TAFA1: variants seen among roughly 807,000 people sequenced by gnomAD.
The protein encoded by TAFA1 is TAFA chemokine like family member 1.
TAFA1 carries 4 observed loss-of-function variants against 18.5 expected under a neutral mutation model. The observed-to-expected ratio is 0.22, with a 90% confidence interval of 0.11 to 0.49. The LOEUF is 0.49. Among genes scored for constraint, TAFA1 ranks in the 20% least tolerant of loss-of-function variants. The pLI, the probability that TAFA1 is intolerant of heterozygous loss-of-function variation, is 0.98. For synonymous variants in TAFA1, 56 were observed against 55.2 expected (o/e 1.01, Z -0.06); for missense variants, 147 against 169.0 (o/e 0.87, Z 0.72).
intron 2 of TAFA1, among the ~76,000 whole-genome samples, chr3:68,049,292 T>C (rs1283774142): frequency 6.6e-6 from 1 of 152,170 alleles, no homozygotes; most frequent in Non-Finnish European, 1.5e-5. Context: ...AAGGCTTTTC[T>C]CCTTGGGGAG....
chr3:68,466,354 T>G (rs1417159839), intron 3 of TAFA1, among the ~76,000 whole-genome samples: 1 of 152,154 alleles, frequency 6.6e-6, no homozygotes, highest in Non-Finnish European at 1.5e-5. Flanking sequence ...GAAATAAAAC[T>G]TTGTTTTAAG....
intron 2 of TAFA1, among the ~76,000 whole-genome samples, chr3:68,096,296 C>T (rs114367044): frequency 0.024 from 3,666 of 152,140 alleles, 155 homozygotes; most frequent in African/African-American, 0.083. Flanking sequence ...TTCCATTGTA[C>T]ATATGTACCA....
Position 68,370,460 on chromosome 3 carries a change from GTGTGTGTGTGTGTAT to G in TAFA1, c.119-46819_119-46805del, listed in dbSNP as rs2069673448. On this transcript the variant is annotated intron_variant, in intron 2 of 4. Coordinates refer to ENST00000478136, the MANE Select transcript of TAFA1 (RefSeq NM_213609.4). ...TATATACATATGTATATATATGTGT[GTGTGTGTGTGTGTAT>G]ATATATATATATATATATATATATA... 1.4e-4 allele frequency among the ~76,000 whole-genome samples: 2 copies of G among 14,606 alleles called. 1 individual carries two copies. The highest frequency in any genetic ancestry group is 2.5e-3 in the Admixed American group (2 of 808). The allele number at this position is 14,606 out of a possible 152,430, so 9.6% of individuals were successfully genotyped here. A position where few individuals can be genotyped will look rare whatever the true frequency, so the allele number is the denominator to read the frequency against.
At chr3:68,027,939 T>C (rs1559708391) in intron 2 of TAFA1, among the ~76,000 whole-genome samples, 1 of 152,236 alleles carries the variant, frequency 6.6e-6, no homozygotes, top group East Asian at 1.9e-4. Flanking sequence ...AGAGGGTTTT[T>C]GGCTTCTTAC....
intron 2 of TAFA1, among the ~76,000 whole-genome samples, chr3:68,056,416 A>G (rs2064537488): frequency 6.6e-6 from 1 of 152,164 alleles, no homozygotes; most frequent in Admixed American, 6.6e-5. Context: ...TGTCCCAGGA[A>G]CACCCTCTGT....
At chr3:68,498,771 A>G (rs1409415192) in intron 3 of TAFA1, among the ~76,000 whole-genome samples, 1 of 124,214 alleles carries the variant, frequency 8.1e-6, no homozygotes, top group East Asian at 2.5e-4. Context: ...AGAGAGAGAG[A>G]AAACTATTTT....
chr3:68,255,872 T>C (rs1361413074), intron 2 of TAFA1, among the ~76,000 whole-genome samples: 1 of 152,092 alleles, frequency 6.6e-6, no homozygotes, highest in African/African-American at 2.4e-5. Context: ...TACACTGATA[T>C]TTCAGTGTTA....
chr3:68,045,938 G>A (rs1705258851), intron 2 of TAFA1, among the ~76,000 whole-genome samples: 1 of 152,148 alleles, frequency 6.6e-6, no homozygotes, highest in Non-Finnish European at 1.5e-5. Flanking sequence ...GCATTCTAGT[G>A]ATATTGTCAT....
chr3:68,472,700 A>G (rs550690801), intron 3 of TAFA1, among the ~76,000 whole-genome samples: 60 of 152,296 alleles, frequency 3.9e-4, no homozygotes, highest in African/African-American at 1.3e-3. Context: ...ATTATTTTTT[A>G]CAATTGCATG....
intron 2 of TAFA1, among the ~76,000 whole-genome samples, chr3:68,121,842 T>C (rs2065403380): frequency 1.3e-5 from 2 of 152,144 alleles, no homozygotes; most frequent in African/African-American, 2.4e-5. Flanking sequence ...TTAAAGTATC[T>C]GTAATTTTGC....
At chr3:68,129,264 C>G (rs1462617316) in intron 2 of TAFA1, among the ~76,000 whole-genome samples, 1 of 152,164 alleles carries the variant, frequency 6.6e-6, no homozygotes, top group African/African-American at 2.4e-5. Context: ...TTTCTGTTCT[C>G]CGCTGCTACT....
chr3:68,328,733 C>A (rs1369475309), intron 2 of TAFA1, among the ~76,000 whole-genome samples: 1 of 151,962 alleles, frequency 6.6e-6, no homozygotes, highest in African/African-American at 2.4e-5. Flanking sequence ...TTTTTTTATT[C>A]ATTTTAAAAA....
At chr3:68,377,605 G>T (rs1299957330) in intron 2 of TAFA1, among the ~76,000 whole-genome samples, 2 of 152,186 alleles carry the variant, frequency 1.3e-5, no homozygotes, top group Admixed American at 6.5e-5. Flanking sequence ...GCTAGCTGCA[G>T]AAATTTGCAT....
chr3:68,493,466 T>A (rs1400311410), intron 3 of TAFA1, among the ~76,000 whole-genome samples: 3 of 152,358 alleles, frequency 2.0e-5, no homozygotes, highest in South Asian at 2.1e-4. Context: ...CAAATGTCTC[T>A]TAGAATCCCT....
intron 3 of TAFA1, among the ~76,000 whole-genome samples, chr3:68,442,968 G>A (rs1395410024): frequency 6.6e-6 from 1 of 152,132 alleles, no homozygotes; most frequent in Non-Finnish European, 1.5e-5. Flanking sequence ...AATTGATTCA[G>A]GTGTAGGGGT....
chr3:68,197,079 T>C (rs1446704457), intron 2 of TAFA1, among the ~76,000 whole-genome samples: 1 of 151,754 alleles, frequency 6.6e-6, no homozygotes, highest in African/African-American at 2.4e-5. Flanking sequence ...CACTTTCTTC[T>C]AGAAGGCCTA....
intron 2 of TAFA1, among the ~76,000 whole-genome samples, chr3:68,228,468 A>C (rs1169051568): frequency 6.6e-6 from 1 of 152,138 alleles, no homozygotes; most frequent in Non-Finnish European, 1.5e-5. Flanking sequence ...AGGCTCAAAA[A>C]TATTTCCGCA....
In TAFA1 at chr3:68,132,795, G is replaced by T. The variant is rs561904278; in HGVS notation, c.118+126051G>T. On this transcript the variant is annotated intron_variant, in intron 2 of 4. Transcript: ENST00000478136. The stretch of plus-strand genomic sequence containing the variant: ...ATATTAGCCCTTTTTCTGATGGATA[G>T]ATTAGAAAACTTTTCTCCCATTCTG... 2.1e-3 allele frequency among the ~76,000 whole-genome samples: 323 copies of T among 152,230 alleles called. 1 individual carries two copies. The highest frequency in any genetic ancestry group is 3.4e-3 in the Middle Eastern group (1 of 294).
chr3:68,024,889 T>C (rs1025478193), intron 2 of TAFA1, among the ~76,000 whole-genome samples: 2 of 151,352 alleles, frequency 1.3e-5, no homozygotes, highest in Non-Finnish European at 1.5e-5. Context: ...GAGTTGGAAG[T>C]TGCCTTAGCA....
Sources: gnomAD v4.1 joint callset for allele counts (sites outside exome capture counted in the v4.1 genomes callset) on GRCh38, gnomAD v4.1.1 for gene constraint, MANE v1.5 for transcripts, NCBI Gene and HGNC (gene_info 2026-07-23, HGNC 2026-07-21) for gene names.